PRRT1: variants seen among roughly 807,000 people sequenced by gnomAD.
The protein encoded by PRRT1 is proline-rich transmembrane protein 1.
In PRRT1, 8 loss-of-function variants were observed where a neutral mutation model predicts 22.6. The ratio of observed to expected loss-of-function variants is 0.35; its 90% CI spans 0.21 to 0.64. PRRT1 has a LOEUF of 0.64. PRRT1 is among the 30% of genes least tolerant of loss of function. The pLI, the probability that PRRT1 is intolerant of heterozygous loss-of-function variation, is 0.69. For missense variants in PRRT1, 315 were observed against 444.5 expected (o/e 0.71, Z 2.62); for synonymous variants, 176 against 203.6 (o/e 0.86, Z 1.15).
rs1412366439 is a variant in PRRT1 at position 32,150,988 on chromosome 6, C to T, written c.20-82G>A. 2 of 1,125,174 alleles carry T rather than the reference C, an allele frequency of 1.8e-6. No homozygotes were observed. Among genetic ancestry groups the T allele is most frequent in the Non-Finnish European group, 2.6e-6 (2 of 770,282 alleles). 69.7% of individuals were successfully genotyped at this position (1,125,174 alleles called of 1,614,324 possible). On this transcript the variant is annotated intron_variant, in intron 1 of 3. Coordinates refer to ENST00000211413, the MANE Select transcript of PRRT1 (RefSeq NM_030651.4). This position sits in a 1 kb window ranked among gnomAD's most constrained non-coding sequence, Gnocchi z 7.2. The stretch of plus-strand genomic sequence containing the variant: ...AGGAGGGGGTAAGGGGAAACACAGC[C>T]GGTCAGGGATGGAGAAAGATAATGG...
At chr6:32,151,951 C>CGGCG, upstream of PRRT1, 3 of 214,886 alleles carry the variant, frequency 1.4e-5, no homozygotes, top group Non-Finnish European at 1.7e-5. Flanking sequence ...AAGGCAGCGG[C>CGGCG]GGGGGGGGGG....
chr6:32,148,937 T>C lies in PRRT1; in HGVS notation c.*285A>G. On this transcript the variant is annotated 3_prime_UTR_variant, in exon 4 of 4. Transcript: ENST00000211413. The surrounding 1 kb of genome is among the most constrained non-coding windows in gnomAD (Gnocchi z 5.7). ...ACCGAGGTTGCTCGGTTGGGGGCGC[T>C]ACACTTTGAGGGTGAGGGGGCCTGG... 1 of 681,672 alleles carries C rather than the reference T, an allele frequency of 1.5e-6. No individual in the cohort carries two copies. The highest frequency in any genetic ancestry group is 1.5e-5 in the South Asian group (1 of 66,558). 42.2% of individuals were successfully genotyped at this position (681,672 alleles called of 1,614,324 possible).
upstream of PRRT1, chr6:32,151,990 GGGA>G: frequency 2.9e-6 from 1 of 348,712 alleles, no homozygotes; most frequent in Non-Finnish European, 5.8e-6. Flanking sequence ...AGGGAGAGCG[GGGA>G]GGGGGGGAGC....
At chr6:32,151,951 C>CGCGGGGG, upstream of PRRT1, 7 of 214,854 alleles carry the variant, frequency 3.3e-5, no homozygotes, top group South Asian at 5.7e-5. Flanking sequence ...AAGGCAGCGG[C>CGCGGGGG]GGGGGGGGGG....
intron 1 of PRRT1, 94 bp downstream of exon 1, chr6:32,151,715 A>C: frequency 1.0e-4 from 49 of 490,940 alleles, no homozygotes; most frequent in Non-Finnish European, 1.2e-4. Context: ...AAATAGAACC[A>C]CAGCTGAGGA....
Position 32,150,884 on chromosome 6 carries a change from G to T in PRRT1, c.42C>A (p.His14Gln). ...EKSGLPDSVPHTSPPPYNAPQ... is the reference protein window; with the variant it reads ...EKSGLPDSVPQTSPPPYNAPQ... ...GGGCATTGTAGGGCGGCGGAGAAGT[G>T]TGAGGGACTGAGTCTGGGAGTCCTG... is the stretch of plus-strand genomic sequence containing the variant. Residue 14 changes from histidine (H) to glutamine (Q), a missense_variant, in exon 2 of 4, where the codon CAC becomes CAA. This residue lies in a region of PRRT1 where 263 missense variants were observed against 328.5 expected (regional missense o/e 0.80). Coordinates refer to ENST00000211413, the MANE Select transcript of PRRT1 (RefSeq NM_030651.4). This position sits in a 1 kb window ranked among gnomAD's most constrained non-coding sequence, Gnocchi z 7.2. 6.3e-7 allele frequency: 1 copy of T among 1,581,822 alleles called. No individual in the cohort carries two copies.
upstream of PRRT1, chr6:32,152,167 C>T (rs936320983): frequency 7.0e-5 from 46 of 657,014 alleles, no homozygotes; most frequent in Non-Finnish European, 7.4e-5. Context: ...CCAGGCGAGG[C>T]GGGTGGGACT....
In PRRT1 at chr6:32,150,423, T is replaced by A. The variant is rs1444277331; in HGVS notation, c.503A>T (p.Tyr168Phe). The stretch of plus-strand genomic sequence containing the variant: ...AGTGCAAGGCTGCAGCTGCAGGGGG[T>A]ATCCGGGCGCTACGTAGCCCCCCAG... ...LPLGGYVAPG[Y>F]PLQLQPCTAY... The change falls in exon 2 of 4, where the codon TAC becomes TTC. Residue 168 changes from tyrosine to phenylalanine, a missense_variant. Tyr to Phe is a conservative substitution (Grantham distance 22). Transcript: ENST00000211413. This position sits in a 1 kb window ranked among gnomAD's most constrained non-coding sequence, Gnocchi z 7.2. The A allele has an allele frequency of 6.5e-7, 1 of 1,529,494 alleles. No homozygotes were observed. The highest frequency in any genetic ancestry group is 8.7e-7 in the Non-Finnish European group (1 of 1,147,454). 94.7% of individuals were successfully genotyped at this position (1,529,494 alleles called of 1,614,324 possible).
In PRRT1 at chr6:32,149,671, G is replaced by A. The variant is rs757558525; in HGVS notation, c.610C>T (p.Pro204Ser). ...GGTGVTSTLP[P>S]PPQGPGLALL... ...GCCAGCCCTGGGCCCTGGGGCGGCGGGGGGAGAGTGGAGGTCACTCCTGTT... is the reference window on the plus strand; with the variant it reads ...GCCAGCCCTGGGCCCTGGGGCGGCGAGGGGAGAGTGGAGGTCACTCCTGTT... The change falls in exon 3 of 4, where the codon CCG (proline) becomes TCG (serine). Residue 204 changes from proline (P) to serine (S), a missense_variant. Pro to Ser is a moderately conservative substitution (Grantham distance 74). Transcript: ENST00000211413. This position sits in a 1 kb window ranked among gnomAD's most constrained non-coding sequence, Gnocchi z 8.7. 7.4e-6 allele frequency: 12 copies of A among 1,611,300 alleles called. No individual in the cohort carries two copies. The highest frequency in any genetic ancestry group is 1.6e-4 in the Middle Eastern group (1 of 6,076).
chr6:32,152,043 G>A (rs1783348020), upstream of PRRT1: 2 of 652,484 alleles, frequency 3.1e-6, no homozygotes, highest in Admixed American at 2.1e-5. Context: ...CGCTTCAGAT[G>A]TTTCCCACTC....
Position 32,149,699 on chromosome 6 carries a change from C to T in PRRT1, c.582G>A (p.Gly194=). Residue 194 remains glycine (G), a synonymous_variant, in exon 3 of 4, where the codon GGG becomes GGA. Transcript: ENST00000211413. This position sits in a 1 kb window ranked among gnomAD's most constrained non-coding sequence, Gnocchi z 8.7. ...GGAGAGTGGAGGTCACTCCTGTTCC[C>T]CCCGGGGTCCCGCCTGCATATGGCT... ...VGTPYAGGTP[G]GTGVTSTLPP... 6.3e-7 allele frequency: 1 copy of T among 1,597,442 alleles called. No individual in the cohort carries two copies. The highest frequency in any genetic ancestry group is 8.5e-7 in the Non-Finnish European group (1 of 1,172,196).
At position 32,149,474 on chromosome 6, in the gene PRRT1, G is replaced by A; in HGVS notation, c.744+63C>T. On this transcript the variant is annotated intron_variant, in intron 3 of 3. Transcript: ENST00000211413. This position sits in a 1 kb window ranked among gnomAD's most constrained non-coding sequence, Gnocchi z 8.7. ...AACGCCTCAGCCTTTCTCTAAGATG[G>A]TCCCCAGAACGCCCAGAACTCCCTG... is the stretch of plus-strand genomic sequence containing the variant. 6.2e-7 allele frequency: 1 copy of A among 1,604,944 alleles called. No individual in the cohort carries two copies. The highest frequency in any genetic ancestry group is 8.5e-7 in the Non-Finnish European group (1 of 1,175,440).
At position 32,150,212 on chromosome 6, in the gene PRRT1, C is replaced by T. The variant is rs1195263539; in HGVS notation, c.558+156G>A. Among the ~76,000 whole-genome samples the T allele has an allele frequency of 1.3e-5, 2 of 152,226 alleles. No homozygotes were observed. ...ACTCCCGTGTCTCTCCCTAGTCCTT[C>T]CTGTCTCAGGCTCCCTTCTTTCTAG... On this transcript the variant is annotated intron_variant, in intron 2 of 3. Transcript: ENST00000211413. This position sits in a 1 kb window ranked among gnomAD's most constrained non-coding sequence, Gnocchi z 7.2.
Position 32,149,192 on chromosome 6 carries a change from G to A in PRRT1, c.*30C>T. On this transcript the variant is annotated 3_prime_UTR_variant, in exon 4 of 4. Transcript: ENST00000211413. The surrounding 1 kb of genome is among the most constrained non-coding windows in gnomAD (Gnocchi z 8.7). ...CAGAAAGAGCCTGGGAGATCGAGGG[G>A]CGCAGAGTGGGGCCGGACCAGGGGC... The A allele has an allele frequency of 1.9e-6, 3 of 1,607,964 alleles. No individual in the cohort carries two copies. Among genetic ancestry groups the A allele is most frequent in the Non-Finnish European group, 2.5e-6 (3 of 1,177,912 alleles).
upstream of PRRT1, chr6:32,151,987 GCGGGGA>G: frequency 9.7e-6 from 2 of 205,864 alleles, no homozygotes; most frequent in Non-Finnish European, 9.9e-6. Context: ...CGGAGGGAGA[GCGGGGA>G]GGGGGGGAGC....
rs904564764 is a variant in PRRT1 at position 32,149,130 on chromosome 6, G to T, written c.*92C>A. ...TCCAAGTCTGACGGCCCCAGAAACG[G>T]GTGTGCAGGGCGCCCATTGGGTCCG... On this transcript the variant is annotated 3_prime_UTR_variant, in exon 4 of 4. Transcript: ENST00000211413. This position sits in a 1 kb window ranked among gnomAD's most constrained non-coding sequence, Gnocchi z 8.7. The T allele has an allele frequency of 4.6e-6, 6 of 1,312,760 alleles. No individual in the cohort carries two copies. The highest frequency in any genetic ancestry group is 6.5e-6 in the Non-Finnish European group (6 of 922,264). 81.3% of individuals were successfully genotyped at this position (1,312,760 alleles called of 1,614,324 possible).
In PRRT1 at chr6:32,149,662, G is replaced by C; in HGVS notation, c.619C>G (p.Gln207Glu). 1 of 1,611,910 alleles carries C rather than the reference G, an allele frequency of 6.2e-7. No homozygotes were observed. The highest frequency in any genetic ancestry group is 8.5e-7 in the Non-Finnish European group (1 of 1,179,444). The stretch of plus-strand genomic sequence containing the variant: ...TCCAGTAGGGCCAGCCCTGGGCCCT[G>C]GGGCGGCGGGGGGAGAGTGGAGGTC... ...GVTSTLPPPPQGPGLALLEPR... is the reference protein window; with the variant it reads ...GVTSTLPPPPEGPGLALLEPR... Residue 207 changes from glutamine (Q) to glutamate (E), a missense_variant, in exon 3 of 4, where the codon CAG becomes GAG. Gln to Glu is a conservative substitution (Grantham distance 29, BLOSUM62 2). Around this residue, in one of 4 missense-constraint regions of PRRT1, gnomAD observed 263 missense variants for 328.5 expected, o/e 0.80. Transcript: ENST00000211413. The surrounding 1 kb of genome is among the most constrained non-coding windows in gnomAD (Gnocchi z 8.7).
chr6:32,150,751 A>C lies in PRRT1; in HGVS notation c.175T>G (p.Leu59Val), dbSNP rs1783221483. The stretch of plus-strand genomic sequence containing the variant: ...GAAGAGGCCAGGCCCCCTGCCCCTA[A>C]GCGCGGGAGGGTGGCGGTGCCAGAC... ...HQSGTATLPR[L>V]GAGGLASSAA... Residue 59 changes from leucine (L) to valine (V), a missense_variant, in exon 2 of 4, where the codon TTA (leucine) becomes GTA (valine). Physicochemically the swap from Leu to Val is conservative, Grantham distance 32. Coordinates refer to ENST00000211413, the MANE Select transcript of PRRT1 (RefSeq NM_030651.4). The surrounding 1 kb of genome is among the most constrained non-coding windows in gnomAD (Gnocchi z 7.2). 1.3e-6 allele frequency: 2 copies of C among 1,530,146 alleles called. No homozygotes were observed. The highest frequency in any genetic ancestry group is 2.1e-5 in the Admixed American group (1 of 47,856). The allele number at this position is 1,530,146 out of a possible 1,614,324, so 94.8% of individuals were successfully genotyped here.
rs1263695352 is a variant in PRRT1 at position 32,148,779 on chromosome 6, G to A, written c.*443C>T. 1 of 476,276 alleles carries A rather than the reference G, an allele frequency of 2.1e-6. No homozygotes were observed. The highest frequency in any genetic ancestry group is 2.0e-5 in the African/African-American group (1 of 51,098). The allele number at this position is 476,276 out of a possible 1,614,324, so 29.5% of individuals were successfully genotyped here. Reference sequence around the variant, plus strand: ...GTCTGTCCGTCTGTGGGCGAGGCCTGGAGCCACAAACCCAATCACTGGACT... The same window carrying A: ...GTCTGTCCGTCTGTGGGCGAGGCCTAGAGCCACAAACCCAATCACTGGACT... On this transcript the variant is annotated 3_prime_UTR_variant, in exon 4 of 4. Transcript: ENST00000211413. The surrounding 1 kb of genome is among the most constrained non-coding windows in gnomAD (Gnocchi z 5.7).
Sources: gnomAD v4.1 joint callset for allele counts (sites outside exome capture counted in the v4.1 genomes callset) on GRCh38, gnomAD v4.1.1 for gene constraint, gnomAD v4.1.1 regional missense constraint, Gnocchi (gnomAD v3.1) non-coding constraint, MANE v1.5 for transcripts, NCBI Gene and HGNC (gene_info 2026-07-23, HGNC 2026-07-21) for gene names.